The following COL4A2 variants were observed in gnomAD, a reference collection of about 807,000 sequenced individuals.
The protein encoded by COL4A2 is collagen alpha-2(IV) chain.
Under a neutral mutation model 200.2 loss-of-function variants are expected in COL4A2, and 99 were observed. The observed-to-expected ratio is 0.49, with a 90% CI of 0.42 to 0.58. COL4A2 has a LOEUF of 0.58. COL4A2 is among the 20% of genes least tolerant of loss of function. The pLI, the probability that COL4A2 is intolerant of heterozygous loss-of-function variation, is 0.00. For missense variants in COL4A2, 1,950 were observed against 2,314.1 expected, an observed-to-expected ratio of 0.84 and a Z score of 3.23; for synonymous variants, 897 against 900.6, an observed-to-expected ratio of 1.00 and a Z score of 0.07.
chr13:110,419,308 G>A (rs1198550125), intron 4 of COL4A2, among the ~76,000 whole-genome samples: 1 of 152,210 alleles, frequency 6.6e-6, no homozygotes, highest in Non-Finnish European at 1.5e-5. Flanking sequence ...ATACTGTACT[G>A]TAGATTAAAA....
At chr13:110,352,976 A>G (rs552386056) in intron 3 of COL4A2, among the ~76,000 whole-genome samples, 1 of 152,160 alleles carries the variant, frequency 6.6e-6, no homozygotes, top group Non-Finnish European at 1.5e-5. Context: ...TGCGAGCTTC[A>G]GTGGGGTCAG....
intron 4 of COL4A2, among the ~76,000 whole-genome samples, chr13:110,410,182 CGT>C (rs1448054949): frequency 6.6e-6 from 1 of 152,202 alleles, no homozygotes; most frequent in African/African-American, 2.4e-5. Flanking sequence ...CAACAGGGAG[CGT>C]GAGACATCCG....
intron 40 of COL4A2, among the ~76,000 whole-genome samples, chr13:110,498,775 T>C (rs1252322211): frequency 6.6e-6 from 1 of 152,238 alleles, no homozygotes; most frequent in Non-Finnish European, 1.5e-5. Flanking sequence ...GTAACATTGA[T>C]GGCCTTATTA....
intron 32 of COL4A2, among the ~76,000 whole-genome samples, chr13:110,483,595 G>A (rs896655695): frequency 3.3e-4 from 51 of 152,264 alleles, no homozygotes; most frequent in African/African-American, 1.2e-3. Context: ...TGGCGCGTGG[G>A]CGAGCCTTGA....
At chr13:110,452,356 G>T (rs1881571824) in intron 20 of COL4A2, among the ~76,000 whole-genome samples, 1 of 152,338 alleles carries the variant, frequency 6.6e-6, no homozygotes, top group East Asian at 1.9e-4. Flanking sequence ...TAGAGACGGG[G>T]TTTCACCATG....
intron 3 of COL4A2, among the ~76,000 whole-genome samples, chr13:110,318,509 C>T (rs1885200870): frequency 6.6e-6 from 1 of 152,134 alleles, no homozygotes; most frequent in Admixed American, 6.5e-5. Context: ...ATAAGAGCCC[C>T]CACTCACCCT....
intron 4 of COL4A2, among the ~76,000 whole-genome samples, chr13:110,374,968 T>G (rs1271250212): frequency 1.3e-5 from 2 of 152,224 alleles, no homozygotes; most frequent in Non-Finnish European, 2.9e-5. Context: ...TATTTAATCC[T>G]AAAAGAAATT....
chr13:110,345,311 A>G (rs1312511564), intron 3 of COL4A2, among the ~76,000 whole-genome samples: 4 of 152,238 alleles, frequency 2.6e-5, no homozygotes, highest in Admixed American at 6.5e-5. Flanking sequence ...CTCAGCATGT[A>G]AAATAAGTGA....
At position 110,336,916 on chromosome 13, in the gene COL4A2, G is replaced by A. The variant is rs113820837; in HGVS notation, c.100-20556G>A. Among the ~76,000 whole-genome samples the A allele has an allele frequency of 3.8e-3, 584 of 152,250 alleles. 4 individuals are homozygous for A. Among genetic ancestry groups the A allele is most frequent in the African/African-American group, 0.013 (549 of 41,530 alleles). On this transcript the variant is annotated intron_variant, in intron 3 of 47. Coordinates refer to ENST00000360467, the MANE Select transcript of COL4A2 (RefSeq NM_001846.4). Reference sequence around the variant, plus strand: ...TCCTCTGGACAACATCCATTCCCACGTGGCCTGGGTTGCCTCTGTGCTCCT... The same window carrying A: ...TCCTCTGGACAACATCCATTCCCACATGGCCTGGGTTGCCTCTGTGCTCCT...
intron 3 of COL4A2, among the ~76,000 whole-genome samples, chr13:110,308,868 C>A (rs2139336137): frequency 6.6e-6 from 1 of 152,280 alleles, no homozygotes; most frequent in East Asian, 1.9e-4. Flanking sequence ...GTAACCATGG[C>A]TAAAATGAAG....
At chr13:110,392,047 C>A (rs1393101236) in intron 4 of COL4A2, among the ~76,000 whole-genome samples, 1 of 152,070 alleles carries the variant, frequency 6.6e-6, no homozygotes, top group Non-Finnish European at 1.5e-5. Flanking sequence ...GGAGTGGTAA[C>A]AAAGACCCAA....
intron 28 of COL4A2, among the ~76,000 whole-genome samples, chr13:110,470,192 A>G (rs971460449): frequency 6.6e-5 from 10 of 152,128 alleles, no homozygotes; most frequent in Non-Finnish European, 1.3e-4. Flanking sequence ...CTGGGATGAC[A>G]GGCGTGAGCC....
In COL4A2 at chr13:110,508,310, C is replaced by T. The variant is rs535436616; in HGVS notation, c.4881+89C>T. 307 of 1,564,442 alleles carry T rather than the reference C, an allele frequency of 2.0e-4. No individual in the cohort carries two copies. Among genetic ancestry groups the T allele is most frequent in the African/African-American group, 5.2e-4 (39 of 74,458 alleles). ...CTGCCTTTGTGAGAAGAATCAGACACGGCAGTCCAGGGTGTGCACTGCACA... is the reference window on the plus strand; with the variant it reads ...CTGCCTTTGTGAGAAGAATCAGACATGGCAGTCCAGGGTGTGCACTGCACA... On this transcript the variant is annotated intron_variant, in intron 47 of 47. Coordinates refer to ENST00000360467, the MANE Select transcript of COL4A2 (RefSeq NM_001846.4). The surrounding 1 kb of genome is among the most constrained non-coding windows in gnomAD (Gnocchi z 6.1).
chr13:110,332,166 C>T (rs776296449), intron 3 of COL4A2, among the ~76,000 whole-genome samples: 12 of 152,194 alleles, frequency 7.9e-5, no homozygotes, highest in Non-Finnish European at 1.6e-4. Context: ...CCTTATTATA[C>T]TGTCTAGAAT....
At chr13:110,407,622 A>T (rs918283032) in intron 4 of COL4A2, among the ~76,000 whole-genome samples, 1 of 152,240 alleles carries the variant, frequency 6.6e-6, no homozygotes, top group African/African-American at 2.4e-5. Flanking sequence ...GAGATGCATG[A>T]GGGTGCAGTG....
chr13:110,317,337 C>A (rs1356641874), intron 3 of COL4A2, among the ~76,000 whole-genome samples: 1 of 150,244 alleles, frequency 6.7e-6, no homozygotes, highest in Non-Finnish European at 1.5e-5. Flanking sequence ...CACACTTGCA[C>A]CCACACACAC....
intron 3 of COL4A2, among the ~76,000 whole-genome samples, chr13:110,321,800 T>C (rs763580201): frequency 6.6e-6 from 1 of 152,124 alleles, no homozygotes; most frequent in Admixed American, 6.5e-5. Flanking sequence ...AAAGAGAGAA[T>C]GTACCAGCAG....
intron 10 of COL4A2, 163 bp downstream of exon 10, chr13:110,430,770 A>G (rs751522074): frequency 6.1e-6 from 6 of 979,470 alleles, no homozygotes; most frequent in Non-Finnish European, 9.8e-6. Flanking sequence ...TTCCTTGCAC[A>G]CTTTGCTGCT....
intron 3 of COL4A2, among the ~76,000 whole-genome samples, chr13:110,340,278 G>A (rs541543937): frequency 2.8e-3 from 432 of 152,204 alleles, no homozygotes; most frequent in African/African-American, 5.4e-3. Flanking sequence ...CACCACACCC[G>A]GCTAATTTTT....
Sources: gnomAD v4.1 joint callset for allele counts (sites outside exome capture counted in the v4.1 genomes callset) on GRCh38, gnomAD v4.1.1 for gene constraint, Gnocchi (gnomAD v3.1) non-coding constraint, MANE v1.5 for transcripts, NCBI Gene and HGNC (gene_info 2026-07-23, HGNC 2026-07-21) for gene names.